The following ABL2 variants were observed in gnomAD, a reference collection of about 807,000 sequenced individuals.
ABL2 encodes ABL proto-oncogene 2, non-receptor tyrosine kinase.
In ABL2, 49 loss-of-function variants were observed where a neutral mutation model predicts 107.7. The observed-to-expected ratio is 0.45, with a 90% CI of 0.36 to 0.58. ABL2 has a LOEUF of 0.58. Among genes scored for constraint, ABL2 ranks in the 20% least tolerant of loss-of-function variants. The pLI, the probability that ABL2 is intolerant of heterozygous loss-of-function variation, is 0.00. For synonymous variants in ABL2, 549 were observed against 548.6 expected (o/e 1.00, Z -0.01); for missense variants, 1,245 against 1,457.0 (o/e 0.85, Z 2.37).
rs1460206687 is a variant in ABL2 at position 179,121,471 on chromosome 1, G to A, written c.960+124C>T. Reference sequence around the variant, plus strand: ...GCACTAGGGTTAATCATCTCAATTTGCTGATGTGCTTGGCACTAGTGGGTG... The same window carrying A: ...GCACTAGGGTTAATCATCTCAATTTACTGATGTGCTTGGCACTAGTGGGTG... On this transcript the variant is annotated intron_variant, in intron 5 of 11. Coordinates refer to ENST00000502732, the MANE Select transcript of ABL2 (RefSeq NM_007314.4). 4.8e-6 allele frequency: 6 copies of A among 1,259,380 alleles called. No homozygotes were observed. In the East Asian group the frequency reaches 7.0e-5, roughly 15 times the overall value. 78.0% of individuals were successfully genotyped at this position (1,259,380 alleles called of 1,614,324 possible). A position where few individuals can be genotyped will look rare whatever the true frequency, so the allele number is the denominator to read the frequency against.
chr1:179,154,269 A>C (rs1455627275), intron 1 of ABL2, among the ~76,000 whole-genome samples: 1 of 152,174 alleles, frequency 6.6e-6, no homozygotes, highest in Non-Finnish European at 1.5e-5. Flanking sequence ...AATTTATTCC[A>C]ATGAGTTTGT....
At chr1:179,158,887 C>T (rs143677665) in intron 1 of ABL2, among the ~76,000 whole-genome samples, 2 of 152,244 alleles carry the variant, frequency 1.3e-5, no homozygotes, top group East Asian at 3.9e-4. Context: ...CCTTGTAGAA[C>T]TTTCTAGTTG....
At chr1:179,207,084 C>T (rs895900754) in intron 1 of ABL2, among the ~76,000 whole-genome samples, 3 of 152,104 alleles carry the variant, frequency 2.0e-5, no homozygotes, top group African/African-American at 7.2e-5. Context: ...CATGGAGTGT[C>T]GTGATCCCCA....
At chr1:179,149,966 T>C (rs1658265111) in intron 1 of ABL2, among the ~76,000 whole-genome samples, 1 of 152,208 alleles carries the variant, frequency 6.6e-6, no homozygotes, top group Admixed American at 6.5e-5. Context: ...GCATGGTGTC[T>C]CATGCCTGCA....
rs1557898849 is a variant in ABL2 at position 179,104,280 on chromosome 1, G to C, written c.*3438C>G. 1 of 228,842 alleles carries C rather than the reference G, an allele frequency of 4.4e-6. No homozygotes were observed. 14.2% of individuals were successfully genotyped at this position (228,842 alleles called of 1,614,324 possible). On this transcript the variant is annotated 3_prime_UTR_variant, in exon 12 of 12. Coordinates refer to ENST00000502732, the MANE Select transcript of ABL2 (RefSeq NM_007314.4). ...TGAGGCTCCCAAGGTTAAATGACTT[G>C]CCTTTTAGACTGGCATTAGAGCCTA...
chr1:179,121,439 A>G (rs1264028416), intron 5 of ABL2, among the ~76,000 whole-genome samples, 156 bp downstream of exon 5: 2 of 152,230 alleles, frequency 1.3e-5, no homozygotes, highest in African/African-American at 2.4e-5. Flanking sequence ...CTGCATTGTC[A>G]GCAATGGCAC....
chr1:179,226,239 T>C (rs1295424521), intron 1 of ABL2, among the ~76,000 whole-genome samples: 1 of 151,730 alleles, frequency 6.6e-6, no homozygotes, highest in Non-Finnish European at 1.5e-5. Context: ...ACTTCCAAAC[T>C]TGTCAATAGA....
intron 9 of ABL2, among the ~76,000 whole-genome samples, chr1:179,114,593 C>T (rs1157401966): frequency 2.0e-5 from 3 of 152,046 alleles, no homozygotes; most frequent in East Asian, 1.9e-4. Flanking sequence ...TAGTTGAAAA[C>T]GGCCCTCCCC....
At chr1:179,173,967 A>G (rs1459144318) in intron 1 of ABL2, among the ~76,000 whole-genome samples, 1 of 152,140 alleles carries the variant, frequency 6.6e-6, no homozygotes, top group Non-Finnish European at 1.5e-5. Context: ...AAAACCCTGA[A>G]GTATGATATT....
rs541328919 is a variant in ABL2, at chr1:179,216,375, C to G, written c.157+12866G>C. Reference sequence around the variant, plus strand: ...CAAATTTACATACTGAAATTATGCACTCAATCCAAAAAGGCAACCAAGAGT... The same window carrying G: ...CAAATTTACATACTGAAATTATGCAGTCAATCCAAAAAGGCAACCAAGAGT... On this transcript the variant is annotated intron_variant, in intron 1 of 11. Transcript: ENST00000502732. 1.4e-4 allele frequency among the ~76,000 whole-genome samples: 21 copies of G among 152,296 alleles called. No individual in the cohort carries two copies. The East Asian group carries it at 3.7e-3, about 27-fold the overall frequency.
chr1:179,190,866 A>T (rs1030321898), intron 1 of ABL2, among the ~76,000 whole-genome samples: 51 of 152,218 alleles, frequency 3.4e-4, no homozygotes, highest in African/African-American at 1.2e-3. Context: ...TTGTTATAAG[A>T]AATTCTGTCA....
intron 3 of ABL2, among the ~76,000 whole-genome samples, chr1:179,130,726 T>TTGTGTGTG (rs10643666): frequency 0.048 from 6,838 of 142,720 alleles, 233 homozygotes; most frequent in African/African-American, 0.1. Flanking sequence ...ATTATTGATT[T>TTGTGTGTG]TGTGTGTGTG....
At chr1:179,124,903 T>A (rs1655595942) in intron 4 of ABL2, among the ~76,000 whole-genome samples, 2 of 152,206 alleles carry the variant, frequency 1.3e-5, no homozygotes, top group Admixed American at 6.5e-5. Context: ...ATTTCATGGT[T>A]TTTAGCATAT....
At chr1:179,179,986 C>T (rs1055837311) in intron 1 of ABL2, among the ~76,000 whole-genome samples, 53 of 151,712 alleles carry the variant, frequency 3.5e-4, no homozygotes, top group African/African-American at 1.2e-3. Context: ...GTGGCACACG[C>T]CTGTCATCCA....
At chr1:179,124,245 G>GAAA (rs1300133800) in intron 4 of ABL2, among the ~76,000 whole-genome samples, 1 of 127,102 alleles carries the variant, frequency 7.9e-6, no homozygotes, top group Non-Finnish European at 1.7e-5. Flanking sequence ...CATCTCAAAA[G>GAAA]AAAAAAAAAA....
chr1:179,120,269 A>G lies in ABL2; in HGVS notation c.966T>C (p.Asp322=), dbSNP rs562676133. 1 of 1,604,160 alleles carries G rather than the reference A, an allele frequency of 6.2e-7. No homozygotes were observed. The highest frequency in any genetic ancestry group is 8.5e-7 in the Non-Finnish European group (1 of 1,174,324). ...TCAGGAATTCTTCTACCTCCATGGT[A>G]TCTTCCTAGAAAAAGGGAAAGGTAA... The part of the protein sequence containing the change: ...LTVAVKTLKE[D]TMEVEEFLKE... The change falls in exon 6 of 12, where the codon GAT becomes GAC. Residue 322 remains aspartate, a synonymous_variant. Coordinates refer to ENST00000502732, the MANE Select transcript of ABL2 (RefSeq NM_007314.4).
At chr1:179,184,604 T>C (rs1660577351) in intron 1 of ABL2, 1 of 543,950 alleles carries the variant, frequency 1.8e-6, no homozygotes, top group Admixed American at 2.7e-5. Context: ...GAGGAAGGAT[T>C]AGAAGATATT....
In ABL2 at chr1:179,109,052, C is replaced by T. The variant is rs754367934; in HGVS notation, c.2215G>A (p.Gly739Ser). The change falls in exon 12 of 12, where the codon GGC (glycine) becomes AGC (serine). Residue 739 changes from glycine (G) to serine (S), a missense_variant. Coordinates refer to ENST00000502732, the MANE Select transcript of ABL2 (RefSeq NM_007314.4). The part of the protein sequence containing the change: ...NDDGGGGGGS[G>S]TAGGGWSGIT... ...CCAGACCACCCACCCCCAGCAGTGC[C>T]ACTGCCCCCACCCCCACCACCGTCG... 1.4e-6 allele frequency: 2 copies of T among 1,397,654 alleles called. No homozygotes were observed. Among genetic ancestry groups the T allele is most frequent in the Non-Finnish European group, 2.0e-6 (2 of 1,001,826 alleles). 86.6% of individuals were successfully genotyped at this position (1,397,654 alleles called of 1,614,324 possible). A position where few individuals can be genotyped will look rare whatever the true frequency, so the allele number is the denominator to read the frequency against.
intron 1 of ABL2, among the ~76,000 whole-genome samples, chr1:179,185,039 A>G (rs1048357183): frequency 6.6e-6 from 1 of 152,188 alleles, no homozygotes; most frequent in African/African-American, 2.4e-5. Context: ...GTAGTAGTAC[A>G]CAGAATTCTA....
Sources: allele counts gnomAD v4.1 joint callset (sites outside exome capture counted in the v4.1 genomes callset), GRCh38; gene constraint gnomAD v4.1.1; transcripts MANE v1.5; gene names NCBI Gene and HGNC (gene_info 2026-07-23, HGNC 2026-07-21).